PTPN2: variants seen among roughly 807,000 people sequenced by gnomAD.
PTPN2 encodes the protein protein tyrosine phosphatase non-receptor type 2, also known as tyrosine-protein phosphatase non-receptor type 2.
In PTPN2, 19 loss-of-function variants were observed where a neutral mutation model predicts 57.3. The ratio of observed to expected loss-of-function variants is 0.33; its 90% CI spans 0.23 to 0.49. PTPN2 has a LOEUF of 0.49. Among genes scored for constraint, PTPN2 ranks in the 20% least tolerant of loss-of-function variants. PTPN2 has a pLI of 0.99. For missense variants in PTPN2, 358 were observed against 501.1 expected, an observed-to-expected ratio of 0.71 and a Z score of 2.73; for synonymous variants, 153 against 164.9, an observed-to-expected ratio of 0.93 and a Z score of 0.55.
At chr18:12,869,362 T>C (rs2044107405) in intron 1 of PTPN2, among the ~76,000 whole-genome samples, 1 of 152,124 alleles carries the variant, frequency 6.6e-6, no homozygotes, top group South Asian at 2.1e-4. Flanking sequence ...TTATTTGCTA[T>C]GTTGCTTAGA....
intron 2 of PTPN2, among the ~76,000 whole-genome samples, chr18:12,854,141 A>AT (rs1167215341): frequency 6.6e-6 from 1 of 152,068 alleles, no homozygotes; most frequent in African/African-American, 2.4e-5. Flanking sequence ...GGTGGACTAC[A>AT]TGAGTCCAGG....
At chr18:12,841,518 G>C (rs1568135729) in intron 2 of PTPN2, among the ~76,000 whole-genome samples, 2 of 152,228 alleles carry the variant, frequency 1.3e-5, no homozygotes, top group Non-Finnish European at 1.5e-5. Context: ...GTGGCGGTGG[G>C]AATGTAAAGA....
chr18:12,870,062 GCT>G (rs2044134020), intron 1 of PTPN2, among the ~76,000 whole-genome samples: 1 of 151,138 alleles, frequency 6.6e-6, no homozygotes. Flanking sequence ...TCTTTGAGAA[GCT>G]CTCTTTGAGG....
chr18:12,847,443 C>G (rs555753212), intron 2 of PTPN2, among the ~76,000 whole-genome samples: 1 of 152,256 alleles, frequency 6.6e-6, no homozygotes, highest in East Asian at 1.9e-4. Flanking sequence ...TATCTAAAGT[C>G]AGCTATCATG....
At position 12,807,604 on chromosome 18, in the gene PTPN2, T is replaced by TAA. The variant is rs1555660854; in HGVS notation, c.859-5455_859-5454dup. On this transcript the variant is annotated intron_variant, in intron 7 of 8. Transcript: ENST00000309660. Reference sequence around the variant, plus strand: ...AAAAAAAAATATATATATATATATATAATATAATACTATTTGGCCATTAAA... The same window carrying TAA: ...AAAAAAAAATATATATATATATATATAAAATATAATACTATTTGGCCATTAAA... Among the ~76,000 whole-genome samples, 118 of 95,528 alleles carry TAA rather than the reference T, an allele frequency of 1.2e-3. 6 individuals are homozygous for TAA. In the East Asian group the frequency reaches 0.018, roughly 14 times the overall value. The allele number at this position is 95,528 out of a possible 152,430, so 62.7% of individuals were successfully genotyped here.
chr18:12,787,498 C>T (rs2073461705), downstream of PTPN2: 1 of 152,212 alleles, frequency 6.6e-6, no homozygotes, highest in Non-Finnish European at 1.5e-5. Context: ...TAAGTGTTCA[C>T]CATACCTCAT....
chr18:12,789,017 C>G (rs1269169319), downstream of PTPN2, among the ~76,000 whole-genome samples: 1 of 152,146 alleles, frequency 6.6e-6, no homozygotes, highest in Admixed American at 6.5e-5. Context: ...GTATTGGGAG[C>G]AGGCACACAG....
intron 1 of PTPN2, among the ~76,000 whole-genome samples, chr18:12,870,458 T>C (rs368914250): frequency 3.3e-5 from 1 of 30,274 alleles, no homozygotes; most frequent in Non-Finnish European, 5.0e-5. Context: ...TATATATATA[T>C]ATATAGAGAG....
chr18:12,815,879 C>T (rs1281128428), intron 6 of PTPN2, among the ~76,000 whole-genome samples: 2 of 152,168 alleles, frequency 1.3e-5, no homozygotes, highest in African/African-American at 2.4e-5. Flanking sequence ...ATTAATTCAC[C>T]TGGGAATCTA....
intron 1 of PTPN2, among the ~76,000 whole-genome samples, chr18:12,868,270 G>A (rs1412383560): frequency 6.6e-6 from 1 of 150,754 alleles, no homozygotes; most frequent in African/African-American, 2.5e-5. Flanking sequence ...TTGAGATTGA[G>A]TCTCACTCTG....
At chr18:12,829,948 C>A (rs2042610791) in intron 4 of PTPN2, among the ~76,000 whole-genome samples, 1 of 152,146 alleles carries the variant, frequency 6.6e-6, no homozygotes, top group Non-Finnish European at 1.5e-5. Context: ...TCTTGTTAAC[C>A]ATCTAGGTTC....
At chr18:12,801,846 G>T in intron 8 of PTPN2, 124 bp downstream of exon 8, 1 of 958,508 alleles carries the variant, frequency 1.0e-6, no homozygotes, top group Non-Finnish European at 1.5e-6. Flanking sequence ...TGAGATTACA[G>T]GCGTGATTGT....
chr18:12,807,242 C>T (rs943961469), intron 7 of PTPN2, among the ~76,000 whole-genome samples: 1 of 151,968 alleles, frequency 6.6e-6, no homozygotes, highest in African/African-American at 2.4e-5. Flanking sequence ...GATATCACCA[C>T]ACCCCAATTA....
chr18:12,821,940 G>T (rs1301896348), intron 5 of PTPN2, among the ~76,000 whole-genome samples: 1 of 152,152 alleles, frequency 6.6e-6, no homozygotes, highest in Non-Finnish European at 1.5e-5. Context: ...GTAATGGCGG[G>T]GGGGTACCAA....
intron 3 of PTPN2, among the ~76,000 whole-genome samples, chr18:12,832,169 T>C (rs994114231): frequency 6.6e-6 from 1 of 152,084 alleles, no homozygotes; most frequent in Non-Finnish European, 1.5e-5. Flanking sequence ...CGGGCTAGAG[T>C]GCAGTGTCAC....
chr18:12,856,277 G>C (rs1308559285), intron 2 of PTPN2, among the ~76,000 whole-genome samples: 1 of 152,210 alleles, frequency 6.6e-6, no homozygotes, highest in East Asian at 1.9e-4. Context: ...CCTTGGAAGA[G>C]ATCATTTCCA....
At chr18:12,847,136 AC>A (rs1425177976) in intron 2 of PTPN2, among the ~76,000 whole-genome samples, 1 of 152,214 alleles carries the variant, frequency 6.6e-6, no homozygotes, top group Admixed American at 6.5e-5. Flanking sequence ...AAAGAGATGA[AC>A]AGGGGCAAGA....
At chr18:12,832,393 AG>A (rs1387323216) in intron 3 of PTPN2, among the ~76,000 whole-genome samples, 1 of 152,212 alleles carries the variant, frequency 6.6e-6, no homozygotes, top group Non-Finnish European at 1.5e-5. Context: ...CTGGGATTAC[AG>A]GTATCAGCCA....
chr18:12,849,731 A>C (rs2043330417), intron 2 of PTPN2, among the ~76,000 whole-genome samples: 3 of 152,144 alleles, frequency 2.0e-5, no homozygotes, highest in Non-Finnish European at 4.4e-5. Flanking sequence ...ATTATTATGA[A>C]ACATACCGGT....
Sources: gnomAD v4.1 joint callset for allele counts (sites outside exome capture counted in the v4.1 genomes callset) on GRCh38, gnomAD v4.1.1 for gene constraint, MANE v1.5 for transcripts, NCBI Gene and HGNC (gene_info 2026-07-23, HGNC 2026-07-21) for gene names.